AFF1: variants seen among roughly 807,000 people sequenced by gnomAD.
AFF1 encodes the protein AF4/FMR2 family member 1.
AFF1 carries 48 observed loss-of-function variants against 121.7 expected under a neutral mutation model. The observed-to-expected ratio is 0.39, with a 90% CI of 0.31 to 0.50. The LOEUF (loss-of-function observed/expected upper bound fraction) is 0.50. Ranked by LOEUF, AFF1 falls within the 20% of genes least tolerant of loss-of-function variation. The pLI, the probability that AFF1 is intolerant of heterozygous loss-of-function variation, is 0.76. For missense variants in AFF1, 1,523 were observed against 1,511.7 expected, an observed-to-expected ratio of 1.01 and a Z score of -0.12; for synonymous variants, 613 against 563.0, an observed-to-expected ratio of 1.09 and a Z score of -1.26.
intron 2 of AFF1, among the ~76,000 whole-genome samples, chr4:87,021,213 T>G (rs1365312570): frequency 6.6e-6 from 1 of 152,204 alleles, no homozygotes; most frequent in African/African-American, 2.4e-5. Context: ...CCTAACAAAT[T>G]TGTAAAACCT....
rs548285924 is a variant in AFF1, at chr4:86,958,446, G to A, written c.38+9875G>A. 4.6e-5 allele frequency among the ~76,000 whole-genome samples: 7 copies of A among 152,116 alleles called. No homozygotes were observed. In the East Asian group the frequency reaches 5.8e-4, roughly 13 times the overall value. On this transcript the variant is annotated intron_variant, in intron 2 of 20. Transcript: ENST00000395146. ...TTTAAAATTGTTTTTAGCCAGGTGC[G>A]GTGGCTCATGCCTGTAATTCCAGCA... is the stretch of plus-strand genomic sequence containing the variant.
intron 2 of AFF1, among the ~76,000 whole-genome samples, 162 bp from the exon 3 acceptor site, chr4:87,046,004 T>A (rs1730649825): frequency 6.6e-6 from 1 of 152,156 alleles, no homozygotes; most frequent in African/African-American, 2.4e-5. Flanking sequence ...GGCCTCACCC[T>A]AAGGCTGGGT....
Position 86,982,645 on chromosome 4 carries a change from G to C in AFF1, c.38+34074G>C, listed in dbSNP as rs187324371. On this transcript the variant is annotated intron_variant, in intron 2 of 20. Transcript: ENST00000395146. ...AGATCACCTGAGGTCAAGAGTTTGA[G>C]CCCAGCCTGGCCAACATGGCAAAAC... 1.7e-3 allele frequency among the ~76,000 whole-genome samples: 261 copies of C among 151,342 alleles called. 2 individuals are homozygous for C. The highest frequency in any genetic ancestry group is 6.0e-3 in the African/African-American group (249 of 41,298).
At chr4:86,938,764 A>G (rs529793101) in intron 1 of AFF1, among the ~76,000 whole-genome samples, 87 of 152,364 alleles carry the variant, frequency 5.7e-4, no homozygotes, top group Non-Finnish European at 1.0e-3. Context: ...GATTGTTTAT[A>G]TCTGGACAAC....
At chr4:86,974,680 A>G (rs1193783857) in intron 2 of AFF1, among the ~76,000 whole-genome samples, 1 of 152,216 alleles carries the variant, frequency 6.6e-6, no homozygotes, top group Admixed American at 6.5e-5. Flanking sequence ...CTAATTAGCA[A>G]TAGTCATGTA....
intron 2 of AFF1, among the ~76,000 whole-genome samples, chr4:86,965,103 G>A (rs1722443121): frequency 6.6e-6 from 1 of 152,198 alleles, no homozygotes; most frequent in Non-Finnish European, 1.5e-5. Flanking sequence ...TTCTTACTCT[G>A]TTACTAATGG....
chr4:87,084,956 A>G (rs1723570291), intron 5 of AFF1, among the ~76,000 whole-genome samples: 1 of 152,248 alleles, frequency 6.6e-6, no homozygotes, highest in Non-Finnish European at 1.5e-5. Context: ...ATGGCCTCAT[A>G]CATACAGCCT....
chr4:87,130,913 G>A (rs888702400), intron 16 of AFF1, among the ~76,000 whole-genome samples, 170 bp from the exon 17 acceptor site: 1 of 152,180 alleles, frequency 6.6e-6, no homozygotes, highest in Admixed American at 6.5e-5. Flanking sequence ...GTTTTCAGCA[G>A]GTCATAGCTG....
At position 86,970,216 on chromosome 4, in the gene AFF1, A is replaced by T. The variant is rs191803599; in HGVS notation, c.38+21645A>T. 6.4e-4 allele frequency among the ~76,000 whole-genome samples: 98 copies of T among 152,164 alleles called. 1 individual carries two copies. The East Asian group carries it at 0.017, about 27-fold the overall frequency. On this transcript the variant is annotated intron_variant, in intron 2 of 20. Transcript: ENST00000395146. ...TAAGATATTAAAGTGGGCCAGGCAT[A>T]GTGGCTCACACTTGTAATCCCAGCA...
intron 2 of AFF1, among the ~76,000 whole-genome samples, chr4:86,962,757 G>T (rs1359936750): frequency 6.6e-6 from 1 of 152,168 alleles, no homozygotes; most frequent in Non-Finnish European, 1.5e-5. Context: ...ACATTATTAA[G>T]AGTTTGGGTA....
chr4:86,940,497 G>A lies in AFF1; in HGVS notation c.-37+5257G>A, dbSNP rs539894702. ...TCTCACTGCAACCTTCGCCTCCCAG[G>A]TTCAAGCAGTTCTGCCTCAGCCACT... On this transcript the variant is annotated intron_variant, in intron 1 of 20. Coordinates refer to ENST00000395146, the MANE Select transcript of AFF1 (RefSeq NM_001166693.3). 4.6e-5 allele frequency among the ~76,000 whole-genome samples: 7 copies of A among 152,242 alleles called. No homozygotes were observed. In the South Asian group the frequency reaches 1.5e-3, roughly 32 times the overall value.
At chr4:87,096,298 CTTTTTT>C (rs10593271) in intron 8 of AFF1, among the ~76,000 whole-genome samples, 2 of 57,062 alleles carry the variant, frequency 3.5e-5, no homozygotes, top group African/African-American at 7.0e-5. Context: ...TTGTTATTCC[CTTTTTT>C]TTTTTTTTTT....
rs777309230 is a variant in AFF1 at position 87,047,534 on chromosome 4, C to T, written c.999C>T (p.Asp333=). 3 of 1,614,086 alleles carry T rather than the reference C, an allele frequency of 1.9e-6. No individual in the cohort carries two copies. Among genetic ancestry groups the T allele is most frequent in the Non-Finnish European group, 2.5e-6 (3 of 1,180,046 alleles). ...GACAGCAGACCTTTGAAAAAACAGA[C>T]TTGAAAGTGCCTGCCAAAGCCAAGC... is the stretch of plus-strand genomic sequence containing the variant. ...DYRQQTFEKT[D]LKVPAKAKLT... Residue 333 remains aspartate, a synonymous_variant, in exon 4 of 21, where the codon GAC becomes GAT. Coordinates refer to ENST00000395146, the MANE Select transcript of AFF1 (RefSeq NM_001166693.3).
intron 1 of AFF1, among the ~76,000 whole-genome samples, chr4:86,941,947 T>G (rs1333877660): frequency 5.3e-5 from 8 of 151,876 alleles, no homozygotes; most frequent in African/African-American, 9.7e-5. Flanking sequence ...ATCCTCCGTT[T>G]TTTTTTTTTC....
At chr4:87,112,779 T>C (rs1021687755) in intron 11 of AFF1, among the ~76,000 whole-genome samples, 1 of 152,216 alleles carries the variant, frequency 6.6e-6, no homozygotes, top group African/African-American at 2.4e-5. Context: ...CAACTAATTT[T>C]CTGATGCATT....
intron 2 of AFF1, among the ~76,000 whole-genome samples, chr4:86,978,177 C>CTTTTTTTTTTTTTTTTTTTTGT (rs1723453289): frequency 2.5e-5 from 1 of 39,324 alleles, no homozygotes; most frequent in Non-Finnish European, 4.6e-5. Context: ...ATTACATTCA[C>CTTTTTTTTTTTTTTTTTTTTGT]TTTTTTTTTT....
chr4:87,044,674 T>C (rs962336630), intron 2 of AFF1, among the ~76,000 whole-genome samples: 1 of 152,056 alleles, frequency 6.6e-6, no homozygotes, highest in Non-Finnish European at 1.5e-5. Flanking sequence ...GTGACTGGAA[T>C]GTAGAGGTAG....
chr4:87,083,346 T>C (rs1255685742), intron 4 of AFF1, among the ~76,000 whole-genome samples: 1 of 152,344 alleles, frequency 6.6e-6, no homozygotes, highest in East Asian at 1.9e-4. Context: ...AAAAAAACTT[T>C]GTGTGCGTCT....
At chr4:86,944,016 C>T (rs1720661539) in intron 1 of AFF1, among the ~76,000 whole-genome samples, 1 of 151,370 alleles carries the variant, frequency 6.6e-6, no homozygotes, top group African/African-American at 2.4e-5. Flanking sequence ...TGGTGGCACA[C>T]ATCTGTAGTC....
Sources: gnomAD v4.1 joint callset for allele counts (sites outside exome capture counted in the v4.1 genomes callset) on GRCh38, gnomAD v4.1.1 for gene constraint, MANE v1.5 for transcripts, NCBI Gene and HGNC (gene_info 2026-07-23, HGNC 2026-07-21) for gene names.